Variants in SPAG16 observed in about 807,000 individuals in gnomAD.
The protein encoded by SPAG16 is sperm associated antigen 16.
A neutral mutation model predicts 80.4 loss-of-function variants in SPAG16; 86 were observed. The ratio of observed to expected loss-of-function variants is 1.07; its 90% CI spans 0.90 to 1.28. The LOEUF (loss-of-function observed/expected upper bound fraction) is 1.28. SPAG16 is among the 50% of genes most tolerant of loss of function. The probability of loss-of-function intolerance (pLI) is 0.00; values close to 1 mark genes in which losing one functional copy is unlikely to be tolerated. For synonymous variants in SPAG16, 294 were observed against 265.9 expected, an observed-to-expected ratio of 1.11 and a Z score of -1.03; for missense variants, 870 against 765.3, an observed-to-expected ratio of 1.14 and a Z score of -1.61.
chr2:214,242,686 T>G (rs1329953498), intron 15 of SPAG16, among the ~76,000 whole-genome samples: 3 of 152,126 alleles, frequency 2.0e-5, no homozygotes, highest in African/African-American at 7.2e-5. Flanking sequence ...AAGTTAATAT[T>G]ACAAATAACA....
chr2:214,250,967 C>A (rs946897762), intron 15 of SPAG16, among the ~76,000 whole-genome samples: 2 of 151,210 alleles, frequency 1.3e-5, no homozygotes, highest in Non-Finnish European at 3.0e-5. Flanking sequence ...AATTTAGCTT[C>A]AAACTACCTT....
rs556757596 is a variant in SPAG16 at position 213,722,738 on chromosome 2, A to G, written c.1071-139747A>G. The stretch of plus-strand genomic sequence containing the variant: ...ATTGGAAAGGCTGTGTAACATGCAG[A>G]TTGACTCTGAATTGTCAGTGAAAGT... On this transcript the variant is annotated intron_variant, in intron 10 of 15. Transcript: ENST00000331683. 4.4e-4 allele frequency among the ~76,000 whole-genome samples: 67 copies of G among 152,320 alleles called. No homozygotes were observed. The Middle Eastern group carries it at 0.01, about 23-fold the overall frequency.
At chr2:214,167,405 G>C (rs2056698453) in intron 15 of SPAG16, among the ~76,000 whole-genome samples, 1 of 150,710 alleles carries the variant, frequency 6.6e-6, no homozygotes, top group African/African-American at 2.4e-5. Flanking sequence ...TTCACTGTGG[G>C]GAGTGTTAGG....
intron 4 of SPAG16, among the ~76,000 whole-genome samples, chr2:213,313,762 T>A (rs1032795146): frequency 2.6e-5 from 4 of 151,882 alleles, no homozygotes; most frequent in Admixed American, 6.6e-5. Flanking sequence ...AATAAACATG[T>A]CAGCCATGCT....
At chr2:213,994,962 T>C (rs2046448052) in intron 12 of SPAG16, among the ~76,000 whole-genome samples, 1 of 152,166 alleles carries the variant, frequency 6.6e-6, no homozygotes, top group South Asian at 2.1e-4. Flanking sequence ...TAATTTCTCT[T>C]GATAAAAGAA....
chr2:213,924,458 C>T (rs778817454), intron 11 of SPAG16, among the ~76,000 whole-genome samples: 3 of 152,178 alleles, frequency 2.0e-5, no homozygotes, highest in African/African-American at 4.8e-5. Flanking sequence ...TCTGTGTTCT[C>T]CTGCTGCCTT....
At chr2:214,220,344 A>C (rs1260931086) in intron 15 of SPAG16, among the ~76,000 whole-genome samples, 1 of 152,160 alleles carries the variant, frequency 6.6e-6, no homozygotes, top group Admixed American at 6.6e-5. Flanking sequence ...TGGACTTCTG[A>C]TTCTGGATAG....
At chr2:213,678,385 G>T (rs1286592868) in intron 10 of SPAG16, among the ~76,000 whole-genome samples, 1 of 151,650 alleles carries the variant, frequency 6.6e-6, no homozygotes, top group Non-Finnish European at 1.5e-5. Flanking sequence ...GACTAATAAG[G>T]AAAAAAAGAG....
chr2:214,050,771 T>A (rs1315379497), intron 13 of SPAG16, among the ~76,000 whole-genome samples: 1 of 152,130 alleles, frequency 6.6e-6, no homozygotes, highest in Non-Finnish European at 1.5e-5. Context: ...TTTCTCCCTC[T>A]CTGTCACCAG....
At chr2:214,045,780 C>T (rs2049287599) in intron 13 of SPAG16, among the ~76,000 whole-genome samples, 1 of 151,992 alleles carries the variant, frequency 6.6e-6, no homozygotes, top group South Asian at 2.1e-4. Context: ...AAACAAATAA[C>T]CTAACCTAGT....
chr2:213,445,753 A>T (rs1477545472), intron 9 of SPAG16, among the ~76,000 whole-genome samples: 2 of 152,180 alleles, frequency 1.3e-5, no homozygotes, highest in African/African-American at 4.8e-5. Context: ...ATAAGATACC[A>T]TCTCACCTCA....
chr2:213,461,441 G>T (rs538635624), intron 9 of SPAG16, among the ~76,000 whole-genome samples: 1 of 152,192 alleles, frequency 6.6e-6, no homozygotes, highest in African/African-American at 2.4e-5. Flanking sequence ...ATAGATGAAT[G>T]ATGTGCAAGT....
intron 10 of SPAG16, among the ~76,000 whole-genome samples, chr2:213,638,288 G>A (rs1443311826): frequency 6.6e-6 from 1 of 151,874 alleles, no homozygotes. Flanking sequence ...TGCTGGGTTT[G>A]GGTTTGGTTT....
intron 10 of SPAG16, among the ~76,000 whole-genome samples, chr2:213,565,387 A>G (rs528879608): frequency 6.6e-6 from 1 of 152,382 alleles, no homozygotes; most frequent in African/African-American, 2.4e-5. Flanking sequence ...CAATGAAAAC[A>G]GCTTATTTCT....
intron 10 of SPAG16, among the ~76,000 whole-genome samples, chr2:213,619,232 G>A (rs1319854149): frequency 1.3e-5 from 2 of 152,034 alleles, no homozygotes; most frequent in Non-Finnish European, 2.9e-5. Flanking sequence ...TTAAATATAG[G>A]ATCTGAAACT....
intron 10 of SPAG16, among the ~76,000 whole-genome samples, chr2:213,579,910 G>T (rs1233933234): frequency 6.6e-6 from 1 of 152,096 alleles, no homozygotes; most frequent in Non-Finnish European, 1.5e-5. Flanking sequence ...GCTGCTGATA[G>T]TGATTATACA....
At chr2:213,948,062 C>A (rs2079551035) in intron 12 of SPAG16, among the ~76,000 whole-genome samples, 1 of 152,024 alleles carries the variant, frequency 6.6e-6, no homozygotes, top group East Asian at 1.9e-4. Flanking sequence ...TCAGTAGTAT[C>A]TAATTTATTC....
At chr2:213,938,737 G>A (rs2079086703) in intron 12 of SPAG16, among the ~76,000 whole-genome samples, 1 of 151,904 alleles carries the variant, frequency 6.6e-6, no homozygotes, top group Non-Finnish European at 1.5e-5. Flanking sequence ...AATAAAAGAA[G>A]TAAACTGGTT....
intron 10 of SPAG16, among the ~76,000 whole-genome samples, chr2:213,727,665 G>A (rs1207749954): frequency 6.6e-6 from 1 of 152,134 alleles, no homozygotes; most frequent in Non-Finnish European, 1.5e-5. Flanking sequence ...AAGAAAAGTA[G>A]CAATGGGGCT....
Sources: allele counts gnomAD v4.1 joint callset (sites outside exome capture counted in the v4.1 genomes callset), GRCh38; gene constraint gnomAD v4.1.1; transcripts MANE v1.5; gene names NCBI Gene and HGNC (gene_info 2026-07-23, HGNC 2026-07-21).